The following CSGALNACT1 variants were observed in gnomAD, a reference collection of about 807,000 sequenced individuals.
CSGALNACT1 encodes beta4GalNAcT-1.
In CSGALNACT1, 52 loss-of-function variants were observed where a neutral mutation model predicts 51.0. The ratio of observed to expected loss-of-function variants is 1.02; its 90% CI spans 0.82 to 1.29. The LOEUF (loss-of-function observed/expected upper bound fraction) is 1.29, where lower values mean the gene tolerates loss of function less well. Among genes scored for constraint, CSGALNACT1 ranks in the 50% most tolerant of loss-of-function variants. CSGALNACT1 has a pLI of 0.00. For missense variants in CSGALNACT1, 935 were observed against 679.2 expected (o/e 1.38, Z -4.19); for synonymous variants, 341 against 254.4 (o/e 1.34, Z -3.24).
At chr8:19,499,560 C>T (rs1408071920) in intron 4 of CSGALNACT1, among the ~76,000 whole-genome samples, 1 of 152,190 alleles carries the variant, frequency 6.6e-6, no homozygotes, top group Non-Finnish European at 1.5e-5. Context: ...CAACACAAGG[C>T]CTGATTTGCC....
upstream of CSGALNACT1, among the ~76,000 whole-genome samples, chr8:19,685,394 G>A (rs989785059): frequency 1.3e-5 from 2 of 152,276 alleles, no homozygotes; most frequent in African/African-American, 4.8e-5. Flanking sequence ...CAGCTAACCA[G>A]GAGGCTGAGA....
chr8:19,722,125 A>C (rs776741708), intron 1 of CSGALNACT1, among the ~76,000 whole-genome samples: 7 of 152,222 alleles, frequency 4.6e-5, no homozygotes, highest in Non-Finnish European at 7.3e-5. Context: ...TAAAATAAGC[A>C]TTTAGTTATC....
At chr8:19,501,545 C>T (rs780252534) in intron 4 of CSGALNACT1, among the ~76,000 whole-genome samples, 1 of 152,152 alleles carries the variant, frequency 6.6e-6, no homozygotes, top group Non-Finnish European at 1.5e-5. Context: ...ACACTACTAA[C>T]CCTGCAGAGG....
At chr8:19,542,129 C>G (rs1239511642) in intron 3 of CSGALNACT1, among the ~76,000 whole-genome samples, 1 of 151,768 alleles carries the variant, frequency 6.6e-6, no homozygotes, top group Non-Finnish European at 1.5e-5. Flanking sequence ...CAAATGCTTT[C>G]TTCTGTGAGC....
At chr8:19,512,890 GGTGTGTT>G in intron 3 of CSGALNACT1, among the ~76,000 whole-genome samples, 1 of 152,250 alleles carries the variant, frequency 6.6e-6, no homozygotes, top group East Asian at 1.9e-4. Flanking sequence ...AGTCAACAAT[GGTGTGTT>G]GTGTAGAAGT....
upstream of CSGALNACT1, among the ~76,000 whole-genome samples, chr8:19,605,674 C>T (rs1253785820): frequency 1.3e-5 from 2 of 152,114 alleles, no homozygotes; most frequent in African/African-American, 4.8e-5. Context: ...ATGGAAAAAT[C>T]CTAGACTTGG....
chr8:19,683,632 G>A (rs2060791715), upstream of CSGALNACT1, among the ~76,000 whole-genome samples: 1 of 152,006 alleles, frequency 6.6e-6, no homozygotes, highest in South Asian at 2.1e-4. Context: ...AAGGAAAATG[G>A]AATAGACAGA....
chr8:19,517,221 T>C (rs1484651594), intron 3 of CSGALNACT1, among the ~76,000 whole-genome samples: 1 of 152,160 alleles, frequency 6.6e-6, no homozygotes, highest in Non-Finnish European at 1.5e-5. Flanking sequence ...GAAGATCACC[T>C]GAGTTTGGGA....
At chr8:19,462,303 C>A (rs2153827237) in intron 4 of CSGALNACT1, among the ~76,000 whole-genome samples, 1 of 152,204 alleles carries the variant, frequency 6.6e-6, no homozygotes, top group African/African-American at 2.4e-5. Flanking sequence ...ATGCAGCTGA[C>A]AGTTTAACGT....
rs191321154 is a variant in CSGALNACT1, at chr8:19,676,238, C to T, written c.-544+6235G>A. ...AGTTTCCAACGGAAAAGACAATCAA[C>T]GGATGCCAACTCCAACATGACCCAG... On this transcript the variant is annotated intron_variant, in intron 1 of 9. Coordinates refer to the CSGALNACT1 transcript ENST00000332246. Among the ~76,000 whole-genome samples, 183 of 152,226 alleles carry T rather than the reference C, an allele frequency of 1.2e-3. 1 individual carries two copies. The highest frequency in any genetic ancestry group is 4.1e-3 in the African/African-American group (169 of 41,550).
upstream of CSGALNACT1, among the ~76,000 whole-genome samples, chr8:19,685,564 T>C (rs1417378735): frequency 6.6e-6 from 1 of 152,192 alleles, no homozygotes; most frequent in Non-Finnish European, 1.5e-5. Flanking sequence ...TAACTAGTTC[T>C]TAGTGTTACA....
At chr8:19,643,307 C>T (rs1179713618) in intron 1 of CSGALNACT1, among the ~76,000 whole-genome samples, 2 of 152,096 alleles carry the variant, frequency 1.3e-5, no homozygotes, top group Non-Finnish European at 2.9e-5. Flanking sequence ...GTTTTACAAG[C>T]TGTAAGAAAC....
At chr8:19,417,576 G>C (rs150222063) in intron 8 of CSGALNACT1, among the ~76,000 whole-genome samples, 1 of 152,194 alleles carries the variant, frequency 6.6e-6, no homozygotes, top group Non-Finnish European at 1.5e-5. Flanking sequence ...CAGAGGCCTG[G>C]TGCTATCGTG....
intron 9 of CSGALNACT1, 58 bp downstream of exon 8, chr8:19,408,555 C>T (rs1188446329): frequency 8.4e-7 from 1 of 1,190,680 alleles, no homozygotes; most frequent in African/African-American, 1.7e-5. Context: ...TTGATTCCTT[C>T]AAGGCCTACA....
intron 4 of CSGALNACT1, among the ~76,000 whole-genome samples, chr8:19,504,084 T>C (rs1007172314): frequency 7.9e-5 from 12 of 152,178 alleles, no homozygotes; most frequent in African/African-American, 2.9e-4. Flanking sequence ...GATGAATTAT[T>C]ATTATTTTTT....
rs138028824 is a variant in CSGALNACT1 at position 19,487,712 on chromosome 8, G to C, written c.634+17489C>G. Among the ~76,000 whole-genome samples the C allele has an allele frequency of 3.4e-3, 518 of 151,924 alleles. 1 individual carries two copies. The highest frequency in any genetic ancestry group is 0.012 in the African/African-American group (479 of 41,282). On this transcript the variant is annotated intron_variant, in intron 4 of 9. Coordinates refer to ENST00000454498, the Ensembl canonical transcript of CSGALNACT1. ...ATTCATGGTAGTTTTCCACAAAAAA[G>C]GGTGTTTCCATATGCAGACTGAGAT...
intron 1 of CSGALNACT1, among the ~76,000 whole-genome samples, chr8:19,738,746 C>G (rs953216093): frequency 7.2e-5 from 11 of 152,188 alleles, no homozygotes; most frequent in Middle Eastern, 6.8e-3. Flanking sequence ...AAAGCAGAAC[C>G]ATAAGACACT....
chr8:19,630,194 C>G (rs866393868), intron 1 of CSGALNACT1, among the ~76,000 whole-genome samples: 34 of 137,778 alleles, frequency 2.5e-4, no homozygotes, highest in African/African-American at 6.0e-4. Flanking sequence ...TCCCACGTCT[C>G]TGTGTGTGTG....
intron 3 of CSGALNACT1, among the ~76,000 whole-genome samples, chr8:19,513,696 C>T (rs999020220): frequency 9.9e-5 from 15 of 151,754 alleles, no homozygotes; most frequent in Admixed American, 4.6e-4. Flanking sequence ...GTAGACCTAC[C>T]GCACACCTGG....
Sources: allele counts gnomAD v4.1 joint callset (sites outside exome capture counted in the v4.1 genomes callset), GRCh38; gene constraint gnomAD v4.1.1; transcripts MANE v1.5; gene names NCBI Gene and HGNC (gene_info 2026-07-23, HGNC 2026-07-21).